Variants in ZNF831 observed in about 807,000 individuals in gnomAD.
ZNF831 encodes the protein zinc finger protein 831.
In ZNF831, 59 loss-of-function variants were observed where a neutral mutation model predicts 95.8. The observed-to-expected ratio is 0.62, with a 90% CI of 0.50 to 0.77. The LOEUF is 0.77. ZNF831 is among the 30% of genes least tolerant of loss of function. The pLI is 0.00. For synonymous variants in ZNF831, 961 were observed against 925.5 expected (o/e 1.04, Z -0.70); for missense variants, 2,205 against 2,164.0 (o/e 1.02, Z -0.38).
Position 59,231,516 on chromosome 20 carries a change from T to TA in ZNF831, c.4028-21453dup, listed in dbSNP as rs537887739. Among the ~76,000 whole-genome samples, 13 of 151,290 alleles carry TA rather than the reference T, an allele frequency of 8.6e-5. No individual in the cohort carries two copies. In the East Asian group the frequency reaches 1.7e-3, roughly 20 times the overall value. On this transcript the variant is annotated intron_variant, in intron 4 of 5. Transcript: ENST00000371030. ...CCCAGCACGGTGTAAAAAGTCAAGTTAAAAAAAAATGACAGACTTTTAAAT... is the reference window on the plus strand; with the variant it reads ...CCCAGCACGGTGTAAAAAGTCAAGTTAAAAAAAAAATGACAGACTTTTAAAT...
intron 2 of ZNF831, among the ~76,000 whole-genome samples, chr20:59,148,725 G>C: frequency 1.6e-5 from 1 of 62,546 alleles, no homozygotes; most frequent in African/African-American, 5.7e-5. Context: ...AAAAAAAAAA[G>C]AACAGAGCGT....
At chr20:59,182,748 A>G (rs1403686978) in intron 1 of ZNF831, among the ~76,000 whole-genome samples, 1 of 152,222 alleles carries the variant, frequency 6.6e-6, no homozygotes, top group Non-Finnish European at 1.5e-5. Context: ...CTTTATCATA[A>G]TTGTTTAGGC....
chr20:59,211,789 G>GTT (rs1030237247), intron 4 of ZNF831, among the ~76,000 whole-genome samples: 1 of 151,778 alleles, frequency 6.6e-6, no homozygotes, highest in African/African-American at 2.4e-5. Flanking sequence ...TTGTGTGTGT[G>GTT]TGTGTGTGTG....
intron 1 of ZNF831, among the ~76,000 whole-genome samples, chr20:59,179,638 C>T (rs1470802148): frequency 6.6e-6 from 1 of 152,114 alleles, no homozygotes; most frequent in Non-Finnish European, 1.5e-5. Flanking sequence ...TTTGCCCCAT[C>T]TCTGCCTCCG....
At chr20:59,230,737 G>A (rs114187196) in intron 4 of ZNF831, among the ~76,000 whole-genome samples, 91 of 152,296 alleles carry the variant, frequency 6.0e-4, no homozygotes, top group African/African-American at 2.1e-3. Flanking sequence ...AAGGAGATAT[G>A]GGGATAGCCA....
chr20:59,189,798 A>T (rs1230278489), intron 1 of ZNF831, among the ~76,000 whole-genome samples: 2 of 152,244 alleles, frequency 1.3e-5, no homozygotes, highest in Non-Finnish European at 2.9e-5. Flanking sequence ...GGCGTGAGCC[A>T]CCATGTCCAG....
rs552342437 is a variant in ZNF831, at chr20:59,237,783, C to G, written c.4028-15195C>G. 3.9e-5 allele frequency among the ~76,000 whole-genome samples: 6 copies of G among 152,258 alleles called. No individual in the cohort carries two copies. The South Asian group carries it at 1.2e-3, about 32-fold the overall frequency. ...ATCCCAAAACATAGCCCGCAGCCAT[C>G]CTTGGATGTACAGCTTGTAGTGCTG... On this transcript the variant is annotated intron_variant, in intron 4 of 5. Coordinates refer to ENST00000371030, the MANE Select transcript of ZNF831 (RefSeq NM_178457.3).
rs757969550 is a variant in ZNF831, at chr20:59,192,011, C to T, written c.992C>T (p.Ala331Val). ...GCGGAGAAGCCCTGGGATGCCAAGG[C>T]CCCCGAGGGCCGGCTGCGGAAGTGT... The part of the protein sequence containing the change: ...TAAEKPWDAK[A>V]PEGRLRKCES... The change falls in exon 2 of 6, where the codon GCC becomes GTC. Residue 331 changes from alanine to valine, a missense_variant. Transcript: ENST00000371030. The surrounding 1 kb of genome is among the most constrained non-coding windows in gnomAD (Gnocchi z 5.2). The T allele has an allele frequency of 3.7e-6, 6 of 1,607,902 alleles. No individual in the cohort carries two copies. The highest frequency in any genetic ancestry group is 1.7e-4 in the Middle Eastern group (1 of 6,014).
In ZNF831 at chr20:59,257,696, T is replaced by G. The variant is rs144635496; in HGVS notation, c.*2953T>G. 7 of 152,236 alleles carry G rather than the reference T, an allele frequency of 4.6e-5. No homozygotes were observed. The highest frequency in any genetic ancestry group is 7.2e-5 in the African/African-American group (3 of 41,464). The allele number at this position is 152,236 out of a possible 1,614,324, so 9.4% of individuals were successfully genotyped here. A position where few individuals can be genotyped will look rare whatever the true frequency, so the allele number is the denominator to read the frequency against. On this transcript the variant is annotated 3_prime_UTR_variant, in exon 6 of 6. Transcript: ENST00000371030. ...CAGAGTTTAAAGATCAGGGATTTCC[T>G]TCTTTCCCCAGTGCTAATTTTCCCA...
chr20:59,130,910 C>A (rs1375464376), intron 1 of ZNF831, among the ~76,000 whole-genome samples: 1 of 152,044 alleles, frequency 6.6e-6, no homozygotes, highest in Non-Finnish European at 1.5e-5. Context: ...GCTCTGTGAG[C>A]CCCTGTTTCC....
chr20:59,134,664 T>A (rs568134390), intron 1 of ZNF831, among the ~76,000 whole-genome samples: 2 of 152,340 alleles, frequency 1.3e-5, no homozygotes, highest in Admixed American at 1.3e-4. Context: ...TGTTCTCACA[T>A]GCTTGGCTCC....
At position 59,208,505 on chromosome 20, in the gene ZNF831, T is replaced by G. The variant is rs1465077628; in HGVS notation, c.4027+1449T>G. 1.3e-5 allele frequency among the ~76,000 whole-genome samples: 2 copies of G among 152,178 alleles called. No homozygotes were observed. Among genetic ancestry groups the G allele is most frequent in the African/African-American group, 4.8e-5 (2 of 41,448 alleles). ...GCCCCTCGTCTCTCCTTAAGAGTTT[T>G]CCAATGTATAACCCACAGCTGGGAA... On this transcript the variant is annotated intron_variant, in intron 4 of 5. Coordinates refer to ENST00000371030, the MANE Select transcript of ZNF831 (RefSeq NM_178457.3). The surrounding 1 kb of genome is among the most constrained non-coding windows in gnomAD (Gnocchi z 4.2).
chr20:59,217,361 A>G lies in ZNF831; in HGVS notation c.4027+10305A>G, dbSNP rs909487255. Reference sequence around the variant, plus strand: ...CTCTTATTTATGAAGCCATTCTCCTATTAACGAAGAGTTTGGTCATCACCA... The same window carrying G: ...CTCTTATTTATGAAGCCATTCTCCTGTTAACGAAGAGTTTGGTCATCACCA... On this transcript the variant is annotated intron_variant, in intron 4 of 5. Transcript: ENST00000371030. The surrounding 1 kb of genome is among the most constrained non-coding windows in gnomAD (Gnocchi z 4.4). Among the ~76,000 whole-genome samples, 1 of 152,242 alleles carries G rather than the reference A, an allele frequency of 6.6e-6. No homozygotes were observed. The highest frequency in any genetic ancestry group is 2.4e-5 in the African/African-American group (1 of 41,462).
At chr20:59,223,149 G>A (rs1292797205) in intron 4 of ZNF831, among the ~76,000 whole-genome samples, 1 of 152,090 alleles carries the variant, frequency 6.6e-6, no homozygotes, top group Non-Finnish European at 1.5e-5. Context: ...TCAGAGGGGG[G>A]ACATTATTTC....
In ZNF831 at chr20:59,207,054, C is replaced by G; in HGVS notation, c.4025C>G (p.Ala1342Gly). ...RTPGQTSSEI[A>G]GLNLQEEPSC... is the part of the protein sequence containing the mutation. ...CCTGGGCAGACCTCTTCAGAAATAG[C>G]AGGTAATGCTCTCTTTGGAGGTGCA... The change falls in exon 4 of 6, where the codon GCA (alanine) becomes GGA (glycine). Residue 1342 changes from alanine to glycine, a missense_variant and splice_region_variant. Transcript: ENST00000371030. 2 of 1,613,906 alleles carry G rather than the reference C, an allele frequency of 1.2e-6. No homozygotes were observed. Among genetic ancestry groups the G allele is most frequent in the Non-Finnish European group, 1.7e-6 (2 of 1,179,884 alleles).
chr20:59,240,270 G>C (rs1987250379), intron 4 of ZNF831, among the ~76,000 whole-genome samples: 1 of 152,098 alleles, frequency 6.6e-6, no homozygotes, highest in Non-Finnish European at 1.5e-5. Context: ...CTTCGGACAA[G>C]GGTTAAAGGC....
chr20:59,252,324 T>C (rs1299447731), intron 4 of ZNF831, among the ~76,000 whole-genome samples: 1 of 152,136 alleles, frequency 6.6e-6, no homozygotes, highest in African/African-American at 2.4e-5. Flanking sequence ...TTCTCTGATC[T>C]CATATCATGA....
chr20:59,212,358 T>C (rs1176118830), intron 4 of ZNF831, among the ~76,000 whole-genome samples: 1 of 152,164 alleles, frequency 6.6e-6, no homozygotes, highest in African/African-American at 2.4e-5. Flanking sequence ...AGATTGTACA[T>C]CGATTGGAGT....
At chr20:59,222,872 G>A (rs1364685399) in intron 4 of ZNF831, among the ~76,000 whole-genome samples, 1 of 152,226 alleles carries the variant, frequency 6.6e-6, no homozygotes, top group Non-Finnish European at 1.5e-5. Context: ...TTCCGTGGTA[G>A]AACCAAGGGA....
Sources: allele counts gnomAD v4.1 joint callset (sites outside exome capture counted in the v4.1 genomes callset), GRCh38; gene constraint gnomAD v4.1.1; non-coding constraint Gnocchi (gnomAD v3.1); transcripts MANE v1.5; gene names NCBI Gene and HGNC (gene_info 2026-07-23, HGNC 2026-07-21).